The following NRXN1 variants were observed in gnomAD, a reference collection of about 807,000 sequenced individuals.
NRXN1 encodes the protein neurexin 1, also known as neurexin-1.
In NRXN1, 39 loss-of-function variants were observed where a neutral mutation model predicts 150.9. The observed-to-expected ratio is 0.26, with a 90% CI of 0.20 to 0.34. NRXN1 has a LOEUF of 0.34. NRXN1 is among the 10% of genes least tolerant of loss of function. The pLI, the probability that NRXN1 is intolerant of heterozygous loss-of-function variation, is 1.00. For missense variants in NRXN1, 1,815 were observed against 1,949.9 expected (o/e 0.93, Z 1.30); for synonymous variants, 924 against 757.0 (o/e 1.22, Z -3.62).
At chr2:50,706,172 G>T (rs1402147424) in intron 5 of NRXN1, among the ~76,000 whole-genome samples, 1 of 152,122 alleles carries the variant, frequency 6.6e-6, no homozygotes, top group Non-Finnish European at 1.5e-5. Context: ...TATGGTTACT[G>T]CCTTCTTTAC....
chr2:49,973,987 C>T, intron 21 of NRXN1: 1 of 717,394 alleles, frequency 1.4e-6, no homozygotes. Context: ...TTCACAGTGC[C>T]ATCTCATATC....
At chr2:50,326,723 A>G (rs1193873195) in intron 17 of NRXN1, among the ~76,000 whole-genome samples, 1 of 152,208 alleles carries the variant, frequency 6.6e-6, no homozygotes, top group African/African-American at 2.4e-5. Context: ...ATAATTATAT[A>G]GAGTTGATGC....
chr2:50,761,277 T>C (rs990152690), intron 5 of NRXN1, among the ~76,000 whole-genome samples: 3 of 151,896 alleles, frequency 2.0e-5, no homozygotes, highest in Non-Finnish European at 4.4e-5. Flanking sequence ...CCAAATATCA[T>C]CTTGAATTAT....
intron 16 of NRXN1, among the ~76,000 whole-genome samples, chr2:50,467,305 G>A (rs1415833896): frequency 2.0e-5 from 3 of 151,468 alleles, no homozygotes; most frequent in Admixed American, 6.6e-5. Flanking sequence ...GGGTGAAAAG[G>A]GAATACAGTC....
chr2:50,663,621 T>C (rs1687615208), intron 5 of NRXN1, among the ~76,000 whole-genome samples: 1 of 152,056 alleles, frequency 6.6e-6, no homozygotes, highest in South Asian at 2.1e-4. Context: ...ATTTCACAAT[T>C]ACTTGCATGC....
At chr2:50,503,240 G>A (rs149168786) in intron 13 of NRXN1, among the ~76,000 whole-genome samples, 5 of 151,574 alleles carry the variant, frequency 3.3e-5, no homozygotes, top group African/African-American at 7.3e-5. Context: ...TGTAGGAGGC[G>A]GAGGCTGCAG....
At chr2:50,691,275 A>G (rs1022212222) in intron 5 of NRXN1, among the ~76,000 whole-genome samples, 3 of 152,198 alleles carry the variant, frequency 2.0e-5, no homozygotes, top group Non-Finnish European at 4.4e-5. Flanking sequence ...TCTCAGGAAC[A>G]TAGAACTGGG....
chr2:50,803,070 C>G (rs1178173269), intron 5 of NRXN1, among the ~76,000 whole-genome samples: 1 of 152,136 alleles, frequency 6.6e-6, no homozygotes, highest in Non-Finnish European at 1.5e-5. Context: ...ACAAATTCAA[C>G]TCTTTTTCCA....
intron 17 of NRXN1, among the ~76,000 whole-genome samples, chr2:50,389,415 C>T (rs891524710): frequency 1.3e-5 from 2 of 151,032 alleles, no homozygotes; most frequent in Non-Finnish European, 2.9e-5. Context: ...AGCATACAAG[C>T]TATTTAACCA....
chr2:50,866,574 CTCT>C (rs1414417882), intron 5 of NRXN1, among the ~76,000 whole-genome samples: 9 of 151,888 alleles, frequency 5.9e-5, no homozygotes, highest in Non-Finnish European at 1.3e-4. Context: ...TCTATTTACC[CTCT>C]TCTTACTTCA....
intron 19 of NRXN1, among the ~76,000 whole-genome samples, chr2:50,083,153 T>C (rs1698216420): frequency 1.3e-5 from 2 of 152,296 alleles, no homozygotes; most frequent in Non-Finnish European, 2.9e-5. Context: ...ACAAGTTTCC[T>C]GGGATGGAAC....
chr2:50,129,817 T>C (rs1282350380), intron 18 of NRXN1, among the ~76,000 whole-genome samples: 1 of 152,192 alleles, frequency 6.6e-6, no homozygotes, highest in Non-Finnish European at 1.5e-5. Context: ...AATTATTTAC[T>C]TTAAGGCAAG....
chr2:50,868,197 A>T (rs1677244794), intron 5 of NRXN1, among the ~76,000 whole-genome samples: 1 of 139,862 alleles, frequency 7.1e-6, no homozygotes, highest in South Asian at 2.3e-4. Context: ...ATGCATACAC[A>T]CACACAGGAA....
At chr2:50,643,318 T>C (rs1459985872) in intron 5 of NRXN1, among the ~76,000 whole-genome samples, 1 of 151,962 alleles carries the variant, frequency 6.6e-6, no homozygotes, top group East Asian at 1.9e-4. Flanking sequence ...AAAAAAGTAA[T>C]GTTTACTCAG....
At chr2:50,709,021 T>C (rs1233004419) in intron 5 of NRXN1, among the ~76,000 whole-genome samples, 1 of 152,062 alleles carries the variant, frequency 6.6e-6, no homozygotes, top group East Asian at 1.9e-4. Context: ...ACAGGGACTG[T>C]CCTCTGTTCA....
chr2:50,148,010 A>G (rs964566706), intron 18 of NRXN1, among the ~76,000 whole-genome samples: 1 of 151,672 alleles, frequency 6.6e-6, no homozygotes, highest in African/African-American at 2.4e-5. Context: ...GTAGAGTTCT[A>G]CAGGTTCTCC....
chr2:49,975,982 T>C (rs542755266), intron 21 of NRXN1, among the ~76,000 whole-genome samples: 1 of 151,938 alleles, frequency 6.6e-6, no homozygotes, highest in African/African-American at 2.4e-5. Context: ...AATACATGCA[T>C]GTATACACAC....
At chr2:50,373,626 A>AAAAGAAAGAAAGAAAG (rs202127677) in intron 17 of NRXN1, among the ~76,000 whole-genome samples, 38 of 98,610 alleles carry the variant, frequency 3.9e-4, no homozygotes, top group East Asian at 9.6e-4. Flanking sequence ...AGAGAGAAAG[A>AAAAGAAAGAAAGAAAG]AAAGAAAGAA....
intron 18 of NRXN1, among the ~76,000 whole-genome samples, chr2:50,128,996 A>G (rs1214342563): frequency 6.8e-6 from 1 of 146,720 alleles, no homozygotes; most frequent in Non-Finnish European, 1.5e-5. Flanking sequence ...TAAATAAATA[A>G]ATAAATAAAT....
Sources: allele counts gnomAD v4.1 joint callset (sites outside exome capture counted in the v4.1 genomes callset), GRCh38; gene constraint gnomAD v4.1.1; transcripts MANE v1.5; gene names NCBI Gene and HGNC (gene_info 2026-07-23, HGNC 2026-07-21).